C8orf88: variants seen among roughly 807,000 people sequenced by gnomAD.
C8orf88 encodes chromosome 8 open reading frame 88, also known as uncharacterized protein C8orf88.
C8orf88 carries 14 observed loss-of-function variants against 18.4 expected under a neutral mutation model. That is an observed-to-expected ratio of 0.76 (90% CI 0.50 to 1.19). C8orf88 has a LOEUF of 1.19. Ranked by LOEUF, C8orf88 falls within the 50% of genes most tolerant of loss-of-function variation. C8orf88 has a pLI of 0.00. For synonymous variants in C8orf88, 45 were observed against 42.9 expected (o/e 1.05, Z -0.19); for missense variants, 116 against 134.7 (o/e 0.86, Z 0.69).
Position 90,980,358 on chromosome 8 carries a change from C to A in C8orf88, c.73+5G>T. 1 of 1,517,892 alleles carries A rather than the reference C, an allele frequency of 6.6e-7. No individual in the cohort carries two copies. The highest frequency in any genetic ancestry group is 8.8e-7 in the Non-Finnish European group (1 of 1,138,450). 94.0% of individuals were successfully genotyped at this position (1,517,892 alleles called of 1,614,324 possible). A position where few individuals can be genotyped will look rare whatever the true frequency, so the allele number is the denominator to read the frequency against. ...ATTTAAAGAACTGTACAATCTATTACTCACCTGGGGGAGAAGTCAGATGAC... is the reference window on the plus strand; with the variant it reads ...ATTTAAAGAACTGTACAATCTATTAATCACCTGGGGGAGAAGTCAGATGAC... On this transcript the variant is annotated splice_donor_5th_base_variant and intron_variant, in intron 2 of 5. Transcript: ENST00000517562.
At chr8:90,977,009 A>T (rs2130320496) in intron 3 of C8orf88, among the ~76,000 whole-genome samples, 1 of 152,306 alleles carries the variant, frequency 6.6e-6, no homozygotes, top group Middle Eastern at 3.4e-3. Flanking sequence ...AGCAGACCAT[A>T]TTCCTGGAAA....
chr8:90,966,676 C>T (rs1811204576), intron 4 of C8orf88, among the ~76,000 whole-genome samples: 1 of 151,256 alleles, frequency 6.6e-6, no homozygotes, highest in African/African-American at 2.4e-5. Flanking sequence ...CAACAATGGT[C>T]TTGCATCCTG....
intron 4 of C8orf88, among the ~76,000 whole-genome samples, chr8:90,961,680 T>C (rs1811129234): frequency 6.6e-6 from 1 of 151,278 alleles, no homozygotes; most frequent in Non-Finnish European, 1.5e-5. Flanking sequence ...GCAAAAGAGA[T>C]GGTAAATAGG....
intron 4 of C8orf88, among the ~76,000 whole-genome samples, chr8:90,962,539 A>AAT (rs1264132743): frequency 6.6e-6 from 1 of 151,688 alleles, no homozygotes; most frequent in Non-Finnish European, 1.5e-5. Context: ...AAGAAAAAAA[A>AAT]ATAGCTAAAT....
chr8:90,969,475 ATTATT>A (rs1811254043), intron 4 of C8orf88, among the ~76,000 whole-genome samples: 1 of 151,902 alleles, frequency 6.6e-6, no homozygotes. Flanking sequence ...CGTGCCCTCA[ATTATT>A]TTAATTGATA....
At chr8:90,963,567 A>G (rs985259685) in intron 4 of C8orf88, among the ~76,000 whole-genome samples, 1 of 151,812 alleles carries the variant, frequency 6.6e-6, no homozygotes, top group Non-Finnish European at 1.5e-5. Context: ...AGAGCTAAAG[A>G]AAATTATGAG....
At position 90,978,341 on chromosome 8, in the gene C8orf88, T is replaced by C. The variant is rs187559836; in HGVS notation, c.147+238A>G. On this transcript the variant is annotated intron_variant, in intron 3 of 5. Transcript: ENST00000517562. ...AAATACGATGGTAGAAGCATATATA[T>C]AGAGTTTGTAACTATATGTGAAGTT... Among the ~76,000 whole-genome samples, 1,166 of 152,312 alleles carry C rather than the reference T, an allele frequency of 7.7e-3. 3 individuals are homozygous for C. Among genetic ancestry groups the C allele is most frequent in the Non-Finnish European group, 9.6e-3 (653 of 68,022 alleles).
chr8:90,960,018 T>G (rs1014147590), intron 5 of C8orf88, among the ~76,000 whole-genome samples: 8 of 150,492 alleles, frequency 5.3e-5, no homozygotes, highest in African/African-American at 2.0e-4. Context: ...GCAAAACTTA[T>G]CATCCTTATC....
chr8:90,968,412 C>G (rs1811234721), intron 4 of C8orf88, among the ~76,000 whole-genome samples: 1 of 151,294 alleles, frequency 6.6e-6, no homozygotes, highest in African/African-American at 2.4e-5. Context: ...TATTTCCCAT[C>G]ATATATAAAA....
intron 4 of C8orf88, among the ~76,000 whole-genome samples, chr8:90,969,163 C>G (rs376328276): frequency 1.3e-5 from 2 of 151,716 alleles, no homozygotes; most frequent in Non-Finnish European, 2.9e-5. Flanking sequence ...AAAACTTGTA[C>G]GCAAATGTCC....
intron 3 of C8orf88, among the ~76,000 whole-genome samples, chr8:90,974,645 A>G (rs923569571): frequency 2.0e-5 from 3 of 152,228 alleles, no homozygotes; most frequent in Non-Finnish European, 4.4e-5. Context: ...AAACAGGTTA[A>G]AGGAAGTTGT....
chr8:90,984,092 T>C (rs1811471919), intron 1 of C8orf88, among the ~76,000 whole-genome samples: 1 of 152,206 alleles, frequency 6.6e-6, no homozygotes, highest in African/African-American at 2.4e-5. Context: ...ATATGAAATA[T>C]ACTATGCACT....
chr8:90,977,647 A>G (rs1027752482), intron 3 of C8orf88, among the ~76,000 whole-genome samples: 3 of 152,174 alleles, frequency 2.0e-5, no homozygotes, highest in African/African-American at 7.2e-5. Flanking sequence ...CTGGATAAGA[A>G]ATAGTATCTA....
At chr8:90,976,006 G>C (rs1309309811) in intron 3 of C8orf88, among the ~76,000 whole-genome samples, 1 of 149,870 alleles carries the variant, frequency 6.7e-6, no homozygotes, top group African/African-American at 2.5e-5. Flanking sequence ...AAAGAACCCA[G>C]CACCAAGGAA....
At chr8:90,977,574 T>C (rs1811370101) in intron 3 of C8orf88, among the ~76,000 whole-genome samples, 2 of 152,210 alleles carry the variant, frequency 1.3e-5, no homozygotes, top group Non-Finnish European at 2.9e-5. Flanking sequence ...GCTTTATTCA[T>C]TGTAAAGTTG....
At chr8:90,984,097 T>C (rs544884172) in intron 1 of C8orf88, among the ~76,000 whole-genome samples, 1 of 152,308 alleles carries the variant, frequency 6.6e-6, no homozygotes, top group African/African-American at 2.4e-5. Flanking sequence ...AAATATACTA[T>C]GCACTGTTTT....
At chr8:90,972,117 A>C (rs1279486996) in intron 3 of C8orf88, among the ~76,000 whole-genome samples, 3 of 152,086 alleles carry the variant, frequency 2.0e-5, no homozygotes, top group African/African-American at 7.2e-5. Context: ...CTGCTCCATC[A>C]ATCATTGTAT....
At chr8:90,979,235 T>C (rs2130323840) in intron 2 of C8orf88, among the ~76,000 whole-genome samples, 1 of 152,330 alleles carries the variant, frequency 6.6e-6, no homozygotes, top group African/African-American at 2.4e-5. Flanking sequence ...TTCTCATTCT[T>C]CCATGTAACA....
chr8:90,971,668 C>T (rs77422575), intron 3 of C8orf88, among the ~76,000 whole-genome samples: 1 of 151,964 alleles, frequency 6.6e-6, no homozygotes, highest in Non-Finnish European at 1.5e-5. Context: ...TGGTAGAGCT[C>T]TATGTCTTGA....
Sources: gnomAD v4.1 joint callset for allele counts (sites outside exome capture counted in the v4.1 genomes callset) on GRCh38, gnomAD v4.1.1 for gene constraint, MANE v1.5 for transcripts, NCBI Gene and HGNC (gene_info 2026-07-23, HGNC 2026-07-21) for gene names.